Variants in ING4 observed in about 807,000 individuals in gnomAD.
The protein encoded by ING4 is inhibitor of growth family member 4, also known as inhibitor of growth protein 4.
Under a neutral mutation model 33.1 loss-of-function variants are expected in ING4, and 28 were observed. That is an observed-to-expected ratio of 0.85 (90% CI 0.63 to 1.16). ING4 has a LOEUF of 1.16. ING4 is among the 50% of genes most tolerant of loss of function. ING4 has a pLI of 0.00. For synonymous variants in ING4, 87 were observed against 104.4 expected (o/e 0.83, Z 1.02); for missense variants, 247 against 314.7 (o/e 0.78, Z 1.63).
At chr12:6,659,811 TCA>T (rs1949490570) in intron 1 of ING4, among the ~76,000 whole-genome samples, 1 of 124,176 alleles carries the variant, frequency 8.1e-6, no homozygotes, top group African/African-American at 3.5e-5. Context: ...AGACTCTGTC[TCA>T]AAAAAAAAAA....
At chr12:6,662,704 T>C (rs1406909223) in intron 1 of ING4, among the ~76,000 whole-genome samples, 2 of 152,128 alleles carry the variant, frequency 1.3e-5, no homozygotes, top group African/African-American at 2.4e-5. Context: ...GAGAGGTCTT[T>C]ACCGCTTCTC....
rs991060380 is a variant in ING4, at chr12:6,655,674, G to A, written c.109+1053C>T. 12 of 1,020,312 alleles carry A rather than the reference G, an allele frequency of 1.2e-5. 1 individual carries two copies. In the African/African-American group the frequency reaches 1.9e-4, roughly 16 times the overall value. The allele number at this position is 1,020,312 out of a possible 1,614,324, so 63.2% of individuals were successfully genotyped here. On this transcript the variant is annotated intron_variant, in intron 2 of 7. Coordinates refer to ENST00000341550, the MANE Select transcript of ING4 (RefSeq NM_016162.4). Reference sequence around the variant, plus strand: ...CAGTTCTCAGGGAACTGTGTCCAGGGTTTTTGATGATGTTCACCTTTTCAT... The same window carrying A: ...CAGTTCTCAGGGAACTGTGTCCAGGATTTTTGATGATGTTCACCTTTTCAT...
At chr12:6,652,025 A>C (rs574111239) in intron 6 of ING4, among the ~76,000 whole-genome samples, 1 of 150,162 alleles carries the variant, frequency 6.7e-6, no homozygotes, top group African/African-American at 2.5e-5. Flanking sequence ...ATGCTCAGCT[A>C]ATTTTTGTAT....
intron 1 of ING4, among the ~76,000 whole-genome samples, chr12:6,659,177 C>T (rs1449199603): frequency 5.9e-5 from 9 of 152,168 alleles, no homozygotes; most frequent in Non-Finnish European, 1.5e-5. Flanking sequence ...TGTAATCCAG[C>T]ACTCTGGAAG....
Position 6,651,307 on chromosome 12 carries a change from C to T in ING4, c.707+17G>A. The T allele has an allele frequency of 6.2e-7, 1 of 1,614,126 alleles. No individual in the cohort carries two copies. Among genetic ancestry groups the T allele is most frequent in the Middle Eastern group, 1.6e-4 (1 of 6,062 alleles). The stretch of plus-strand genomic sequence containing the variant: ...TTGACCACTCAACTTAGGGACCCTC[C>T]AACTCCTGCCACTTACCATTTCCCC... On this transcript the variant is annotated intron_variant, in intron 7 of 7. Transcript: ENST00000341550.
At chr12:6,657,596 G>A (rs549404718) in intron 1 of ING4, among the ~76,000 whole-genome samples, 6 of 152,172 alleles carry the variant, frequency 3.9e-5, no homozygotes, top group African/African-American at 1.4e-4. Context: ...ATTTCTGCAT[G>A]GCTATCCCAC....
intron 2 of ING4, among the ~76,000 whole-genome samples, chr12:6,654,926 T>A (rs1592321964): frequency 6.6e-6 from 1 of 152,294 alleles, no homozygotes; most frequent in Admixed American, 6.5e-5. Context: ...GGTTTCACCA[T>A]GTTGGCCAGG....
rs576761146 is a variant in ING4, at chr12:6,660,600, T to TC, written c.37+2464dup. Among the ~76,000 whole-genome samples, 681 of 151,946 alleles carry TC rather than the reference T, an allele frequency of 4.5e-3. 5 individuals carry two copies. The highest frequency in any genetic ancestry group is 0.012 in the South Asian group (56 of 4,810). The stretch of plus-strand genomic sequence containing the variant: ...TCCAGCCTGGGTGACAGAGTGAGAC[T>TC]CTGTCTCAAAAACAAACAAACAAAC... On this transcript the variant is annotated intron_variant, in intron 1 of 7. Coordinates refer to ENST00000341550, the MANE Select transcript of ING4 (RefSeq NM_016162.4).
intron 6 of ING4, 71 bp from the exon 7 acceptor site, chr12:6,651,456 T>G: frequency 7.6e-7 from 1 of 1,320,736 alleles, no homozygotes; most frequent in Non-Finnish European, 1.1e-6. Flanking sequence ...CCCTCCAGAT[T>G]CCTTAGGAAC....
At chr12:6,658,881 G>C (rs1040996838) in intron 1 of ING4, among the ~76,000 whole-genome samples, 1 of 151,994 alleles carries the variant, frequency 6.6e-6, no homozygotes, top group East Asian at 1.9e-4. Flanking sequence ...TGGCCTCCTC[G>C]CACTGCCTCA....
chr12:6,658,642 C>T lies in ING4; in HGVS notation c.38-1844G>A, dbSNP rs953906628. 5.3e-5 allele frequency among the ~76,000 whole-genome samples: 8 copies of T among 152,110 alleles called. No individual in the cohort carries two copies. In the East Asian group the frequency reaches 1.3e-3, roughly 26 times the overall value. On this transcript the variant is annotated intron_variant, in intron 1 of 7. Transcript: ENST00000341550. ...TGGACATTTCAGTGAGCCGAGATCA[C>T]GCCAATGCACTCCAGCCTGGATGAC...
intron 1 of ING4, among the ~76,000 whole-genome samples, chr12:6,662,038 T>C (rs1949571072): frequency 6.6e-6 from 1 of 152,238 alleles, no homozygotes; most frequent in Admixed American, 6.5e-5. Flanking sequence ...CCAGTCTCCT[T>C]TCTCAATTTC....
intron 2 of ING4, among the ~76,000 whole-genome samples, chr12:6,655,069 A>G (rs1281889405): frequency 6.6e-6 from 1 of 150,642 alleles, no homozygotes; most frequent in East Asian, 2.0e-4. Context: ...TTTGAGACCA[A>G]GTCTCACTGT....
chr12:6,662,489 C>T (rs966497734), intron 1 of ING4, among the ~76,000 whole-genome samples: 2 of 152,144 alleles, frequency 1.3e-5, no homozygotes, highest in African/African-American at 4.8e-5. Flanking sequence ...ACTCCGGGCC[C>T]TAAAACAAAT....
chr12:6,654,590 G>A (rs1949293383), intron 2 of ING4, among the ~76,000 whole-genome samples: 1 of 151,776 alleles, frequency 6.6e-6, no homozygotes, highest in Non-Finnish European at 1.5e-5. Flanking sequence ...ACCTGCCTCA[G>A]CCTCCCAAAG....
At position 6,650,970 on chromosome 12, in the gene ING4, G is replaced by C; in HGVS notation, c.*225C>G. 2 of 599,104 alleles carry C rather than the reference G, an allele frequency of 3.3e-6. No individual in the cohort carries two copies. Among genetic ancestry groups the C allele is most frequent in the South Asian group, 2.0e-5 (1 of 50,020 alleles). 37.1% of individuals were successfully genotyped at this position (599,104 alleles called of 1,614,324 possible). ...GGGCAAGACCACGTCCCTCCGAAGG[G>C]AGAGGGCTGAAGGAGAGCACATACC... On this transcript the variant is annotated 3_prime_UTR_variant, in exon 8 of 8. Coordinates refer to ENST00000341550, the MANE Select transcript of ING4 (RefSeq NM_016162.4).
chr12:6,653,119 G>A, intron 3 of ING4, 69 bp from the exon 4 acceptor site: 8 of 1,594,934 alleles, frequency 5.0e-6, no homozygotes, highest in Non-Finnish European at 6.0e-6. Flanking sequence ...GGTTAAGGCA[G>A]AGTTTATGGA....
At chr12:6,654,878 C>G (rs533445447) in intron 2 of ING4, among the ~76,000 whole-genome samples, 2 of 151,982 alleles carry the variant, frequency 1.3e-5, no homozygotes, top group Non-Finnish European at 2.9e-5. Context: ...GTGTGCGCCA[C>G]CACATCTGGC....
At chr12:6,656,926 G>A in intron 1 of ING4, 128 bp from the exon 2 acceptor site, 1 of 556,898 alleles carries the variant, frequency 1.8e-6, no homozygotes, top group Non-Finnish European at 3.1e-6. Flanking sequence ...GGCCAAGGGG[G>A]TGGATCACTC....
Sources: gnomAD v4.1 joint callset for allele counts (sites outside exome capture counted in the v4.1 genomes callset) on GRCh38, gnomAD v4.1.1 for gene constraint, MANE v1.5 for transcripts, NCBI Gene and HGNC (gene_info 2026-07-23, HGNC 2026-07-21) for gene names.